OPN5: variants seen among roughly 807,000 people sequenced by gnomAD.
OPN5 encodes opsin 5, also known as opsin-5.
A neutral mutation model predicts 41.7 loss-of-function variants in OPN5; 18 were observed. The observed-to-expected ratio is 0.43, with a 90% confidence interval of 0.30 to 0.64. OPN5 has a LOEUF of 0.64. Among genes scored for constraint, OPN5 ranks in the 30% least tolerant of loss-of-function variants. The pLI is 0.13. For synonymous variants in OPN5, 178 were observed against 164.3 expected (o/e 1.08, Z -0.64); for missense variants, 318 against 434.5 (o/e 0.73, Z 2.38).
intron 4 of OPN5, among the ~76,000 whole-genome samples, chr6:47,801,984 T>TGTTA (rs1484859459): frequency 2.0e-5 from 3 of 152,204 alleles, no homozygotes; most frequent in African/African-American, 7.2e-5. Context: ...CCTTGAGAGG[T>TGTTA]GTTACATAGT....
chr6:47,806,144 G>A (rs1348767724), intron 4 of OPN5, among the ~76,000 whole-genome samples: 1 of 151,976 alleles, frequency 6.6e-6, no homozygotes, highest in African/African-American at 2.4e-5. Context: ...CACTGGGAAG[G>A]TGGAAACAAA....
rs1448631984 is a variant in OPN5, at chr6:47,785,855, G to A, written c.131-660G>A. Among the ~76,000 whole-genome samples the A allele has an allele frequency of 2.0e-5, 3 of 152,200 alleles. 1 individual carries two copies. Among genetic ancestry groups the A allele is most frequent in the Admixed American group, 2.0e-4 (3 of 15,292 alleles). On this transcript the variant is annotated intron_variant, in intron 1 of 6. Transcript: ENST00000371211. ...CACTTTCTCTCCCCTTGGTGGGAGG[G>A]ACAGTGCCCAGGTTCTCGATTGTCA...
chr6:47,824,179 T>C, exon 7 of OPN5: 1 of 603,344 alleles, frequency 1.7e-6, no homozygotes. Flanking sequence ...GTATCTTAAC[T>C]GAGTTATCTC....
chr6:47,805,427 TG>T (rs1773921896), intron 4 of OPN5, among the ~76,000 whole-genome samples: 1 of 15,992 alleles, frequency 6.3e-5, no homozygotes, highest in African/African-American at 1.2e-4. Context: ...TTATTAATTG[TG>T]TGTGTGTGTG....
intron 5 of OPN5, 120 bp from the exon 6 acceptor site, chr6:47,811,554 T>G (rs537195421): frequency 1.3e-4 from 62 of 466,590 alleles, no homozygotes; most frequent in Non-Finnish European, 2.0e-4. Flanking sequence ...TAATTCAAGA[T>G]TTGTGCACAT....
chr6:47,821,247 C>CTG (rs1335247648), intron 6 of OPN5, among the ~76,000 whole-genome samples: 1 of 152,182 alleles, frequency 6.6e-6, no homozygotes, highest in Non-Finnish European at 1.5e-5. Flanking sequence ...CAATTCAAAA[C>CTG]TGTGTTGTTC....
chr6:47,804,376 A>G (rs2113979214), intron 4 of OPN5, among the ~76,000 whole-genome samples: 1 of 152,336 alleles, frequency 6.6e-6, no homozygotes, highest in Middle Eastern at 3.4e-3. Flanking sequence ...AACTGGCTTA[A>G]GGATATCTGG....
exon 3 of OPN5, chr6:47,791,813 C>T (rs1189336023): frequency 6.2e-7 from 1 of 1,613,948 alleles, no homozygotes; most frequent in Non-Finnish European, 8.5e-7. Flanking sequence ...TGTAGGCAAG[C>T]CGTTCACCAT....
chr6:47,806,885 C>T (rs562360782), intron 4 of OPN5, among the ~76,000 whole-genome samples: 3 of 152,168 alleles, frequency 2.0e-5, no homozygotes, highest in African/African-American at 7.2e-5. Context: ...AGGCCAGGCG[C>T]GATGGCTCAT....
At chr6:47,786,123 T>C (rs1387295580) in intron 1 of OPN5, among the ~76,000 whole-genome samples, 1 of 152,192 alleles carries the variant, frequency 6.6e-6, no homozygotes. Context: ...TCAGAATTTA[T>C]CAAGAGCTAA....
chr6:47,787,125 T>C (rs1773216873), intron 2 of OPN5: 2 of 981,654 alleles, frequency 2.0e-6, no homozygotes, highest in Non-Finnish European at 2.4e-6. Context: ...CTGCTGATGA[T>C]ATATGTAATC....
intron 6 of OPN5, among the ~76,000 whole-genome samples, chr6:47,814,925 A>G (rs1762386973): frequency 6.6e-6 from 1 of 152,120 alleles, no homozygotes; most frequent in Non-Finnish European, 1.5e-5. Context: ...TCAAACAAGT[A>G]ATGACTTGGG....
chr6:47,808,806 G>T (rs1335584503), intron 5 of OPN5, among the ~76,000 whole-genome samples: 1 of 152,156 alleles, frequency 6.6e-6, no homozygotes, highest in Non-Finnish European at 1.5e-5. Flanking sequence ...GGGCATAAAA[G>T]TTGGGCGGGC....
rs766899041 is a variant in OPN5, at chr6:47,795,778, T to TCTCACA, written c.756+216_756+217insTCACAC. ...CTTCTCTCTTCTCTCTCTCTCTCTC[T>TCTCACA]CACACACACACACACACACACACAC... On this transcript the variant is annotated intron_variant, in intron 4 of 6. Transcript: ENST00000371211. Among the ~76,000 whole-genome samples, 1,042 of 142,856 alleles carry TCTCACA rather than the reference T, an allele frequency of 7.3e-3. 7 individuals carry two copies. Among genetic ancestry groups the TCTCACA allele is most frequent in the African/African-American group, 8.3e-3 (307 of 36,790 alleles). The allele number at this position is 142,856 out of a possible 152,430, so 93.7% of individuals were successfully genotyped here. A position where few individuals can be genotyped will look rare whatever the true frequency, so the allele number is the denominator to read the frequency against.
chr6:47,802,208 G>A (rs1467954794), intron 4 of OPN5, among the ~76,000 whole-genome samples: 1 of 152,114 alleles, frequency 6.6e-6, no homozygotes, highest in African/African-American at 2.4e-5. Context: ...CTAATGATAT[G>A]GCATCTAGGG....
exon 7 of OPN5, chr6:47,824,099 C>A: frequency 3.6e-6 from 3 of 829,954 alleles, no homozygotes; most frequent in Non-Finnish European, 6.0e-6. Context: ...GCCTCCACTC[C>A]ACTTACCCTG....
chr6:47,819,401 A>ATAT (rs1561907392), intron 6 of OPN5, among the ~76,000 whole-genome samples: 3 of 108,442 alleles, frequency 2.8e-5, no homozygotes, highest in South Asian at 3.0e-4. Context: ...TATATATATA[A>ATAT]AACAGTATAA....
At chr6:47,807,849 C>G (rs1182521500) in intron 4 of OPN5, among the ~76,000 whole-genome samples, 1 of 151,160 alleles carries the variant, frequency 6.6e-6, no homozygotes, top group Admixed American at 6.6e-5. Context: ...TTATGATTTC[C>G]TGCTCCATGG....
chr6:47,815,665 G>T (rs1395725244), intron 6 of OPN5, among the ~76,000 whole-genome samples: 3 of 152,066 alleles, frequency 2.0e-5, no homozygotes, highest in African/African-American at 4.8e-5. Context: ...GGGGCAAAAG[G>T]CAAGAAATAT....
Sources: gnomAD v4.1 joint callset for allele counts (sites outside exome capture counted in the v4.1 genomes callset) on GRCh38, gnomAD v4.1.1 for gene constraint, MANE v1.5 for transcripts, NCBI Gene and HGNC (gene_info 2026-07-23, HGNC 2026-07-21) for gene names.